Variants in NDUFAF2 observed in about 807,000 individuals in gnomAD.
NDUFAF2 encodes NADH dehydrogenase [ubiquinone] 1 alpha subcomplex assembly factor 2.
In NDUFAF2, 13 loss-of-function variants were observed where a neutral mutation model predicts 22.8. The observed-to-expected ratio is 0.57, with a 90% CI of 0.37 to 0.91. The LOEUF is 0.91. Among genes scored for constraint, NDUFAF2 ranks in the 40% least tolerant of loss-of-function variants. The pLI is 0.01. For synonymous variants in NDUFAF2, 53 were observed against 64.2 expected, an observed-to-expected ratio of 0.83 and a Z score of 0.84; for missense variants, 162 against 195.2, an observed-to-expected ratio of 0.83 and a Z score of 1.01.
At chr5:60,998,440 T>C (rs1451138386) in intron 1 of NDUFAF2, among the ~76,000 whole-genome samples, 1 of 152,162 alleles carries the variant, frequency 6.6e-6, no homozygotes, top group Non-Finnish European at 1.5e-5. Flanking sequence ...CCTTTTATAA[T>C]GTATTTTAAA....
intron 3 of NDUFAF2, among the ~76,000 whole-genome samples, chr5:61,108,877 T>C (rs903876080): frequency 2.6e-5 from 4 of 152,194 alleles, no homozygotes; most frequent in African/African-American, 9.7e-5. Flanking sequence ...ATAGTGTAAT[T>C]TATGCCAGGT....
intron 3 of NDUFAF2, among the ~76,000 whole-genome samples, chr5:61,126,641 C>A (rs1472920804): frequency 6.6e-6 from 1 of 151,968 alleles, no homozygotes; most frequent in African/African-American, 2.4e-5. Flanking sequence ...TATTTTCACA[C>A]CAGAATAATA....
intron 3 of NDUFAF2, among the ~76,000 whole-genome samples, chr5:61,103,144 C>G (rs1752722504): frequency 6.6e-6 from 1 of 152,128 alleles, no homozygotes; most frequent in South Asian, 2.1e-4. Flanking sequence ...TCTGGGAGCT[C>G]TGGCCAACAG....
chr5:61,023,416 A>G (rs1321165422), intron 1 of NDUFAF2, among the ~76,000 whole-genome samples: 2 of 152,036 alleles, frequency 1.3e-5, no homozygotes, highest in Non-Finnish European at 2.9e-5. Context: ...TAATTTGCCT[A>G]TTTATTACAT....
intron 3 of NDUFAF2, chr5:61,116,257 A>T (rs1424532751): frequency 1.3e-5 from 2 of 152,166 alleles, no homozygotes; most frequent in East Asian, 1.9e-4. Flanking sequence ...GGAACACTAG[A>T]CATCTGAGAA....
intron 1 of NDUFAF2, among the ~76,000 whole-genome samples, chr5:60,972,773 G>GTTTTTTTTTTTTTTTTGTTTTCTTT (rs35076688): frequency 2.9e-5 from 3 of 103,916 alleles, no homozygotes; most frequent in East Asian, 2.8e-4. Context: ...TGTGTATTCT[G>GTTTTTTTTTTTTTTTTGTTTTCTTT]TTTTTTTTTT....
intron 1 of NDUFAF2, among the ~76,000 whole-genome samples, chr5:60,953,356 A>G (rs1297732241): frequency 6.6e-6 from 1 of 152,152 alleles, no homozygotes; most frequent in East Asian, 1.9e-4. Flanking sequence ...GCCAACCTAT[A>G]ATTTTGTACA....
intron 3 of NDUFAF2, among the ~76,000 whole-genome samples, chr5:61,131,148 G>T (rs1753106717): frequency 6.6e-6 from 1 of 151,564 alleles, no homozygotes; most frequent in South Asian, 2.1e-4. Context: ...GGGGAAACAG[G>T]TATTCTCATT....
At chr5:61,017,138 G>A (rs973356079) in intron 1 of NDUFAF2, among the ~76,000 whole-genome samples, 1 of 152,082 alleles carries the variant, frequency 6.6e-6, no homozygotes, top group Non-Finnish European at 1.5e-5. Context: ...AGAGGTAGGC[G>A]TCAAACAGCT....
At chr5:60,949,500 G>C (rs1324929037) in intron 1 of NDUFAF2, among the ~76,000 whole-genome samples, 3 of 152,180 alleles carry the variant, frequency 2.0e-5, no homozygotes, top group African/African-American at 7.2e-5. Flanking sequence ...ACAGCTGCAA[G>C]AAACATTCAC....
At position 61,152,590 on chromosome 5, in the gene NDUFAF2, T is replaced by C. The variant is rs924181681; in HGVS notation, c.259-114T>C. On this transcript the variant is annotated intron_variant, in intron 3 of 3. Coordinates refer to ENST00000296597, the MANE Select transcript of NDUFAF2 (RefSeq NM_174889.5). ...ATCTGTATATTATTTAAATGCAAAG[T>C]ATGTATGTATATATTTATATGTATA... 5 of 696,832 alleles carry C rather than the reference T, an allele frequency of 7.2e-6. No individual in the cohort carries two copies. The African/African-American group carries it at 7.3e-5, about 10-fold the overall frequency. The allele number at this position is 696,832 out of a possible 1,614,324, so 43.2% of individuals were successfully genotyped here.
intron 1 of NDUFAF2, among the ~76,000 whole-genome samples, chr5:60,989,841 C>T (rs1041184152): frequency 6.6e-6 from 1 of 152,030 alleles, no homozygotes. Flanking sequence ...TACACCAAAC[C>T]CCCATGAGCT....
At chr5:60,949,053 T>C (rs1750505928) in intron 1 of NDUFAF2, among the ~76,000 whole-genome samples, 1 of 152,182 alleles carries the variant, frequency 6.6e-6, no homozygotes, top group Non-Finnish European at 1.5e-5. Flanking sequence ...TTTTTTTAGA[T>C]TCTATTTTTA....
chr5:60,980,676 G>A (rs890533566), intron 1 of NDUFAF2, among the ~76,000 whole-genome samples: 2 of 152,138 alleles, frequency 1.3e-5, no homozygotes, highest in African/African-American at 4.8e-5. Flanking sequence ...AGAAGGCTGA[G>A]GTGGGTGGAT....
chr5:60,994,826 A>C (rs1470771013), intron 1 of NDUFAF2, among the ~76,000 whole-genome samples: 2 of 151,806 alleles, frequency 1.3e-5, no homozygotes, highest in Non-Finnish European at 2.9e-5. Flanking sequence ...GTAACTCTTA[A>C]ATTTGCCCTT....
In NDUFAF2 at chr5:61,029,744, A is replaced by G. The variant is rs1312434028; in HGVS notation, c.128-43381A>G. 2.0e-5 allele frequency among the ~76,000 whole-genome samples: 3 copies of G among 152,310 alleles called. No individual in the cohort carries two copies. The East Asian group carries it at 5.8e-4, about 29-fold the overall frequency. On this transcript the variant is annotated intron_variant, in intron 1 of 3. Transcript: ENST00000296597. ...GCCAAGCTGTTTGTAACAACCAGAT[A>G]AAAGTATATTCCTATTTTCAGATTT...
chr5:61,048,660 A>G (rs1255533357), intron 1 of NDUFAF2, among the ~76,000 whole-genome samples: 4 of 152,164 alleles, frequency 2.6e-5, no homozygotes, highest in Admixed American at 6.6e-5. Context: ...TCCCAGTCTC[A>G]GCAAAGTTGA....
intron 1 of NDUFAF2, among the ~76,000 whole-genome samples, chr5:60,997,736 C>T (rs1038999681): frequency 1.3e-5 from 2 of 152,140 alleles, no homozygotes; most frequent in African/African-American, 2.4e-5. Flanking sequence ...TCTGCTTTTC[C>T]GTTCTTCACT....
At chr5:61,086,294 G>A (rs1752504725) in intron 2 of NDUFAF2, among the ~76,000 whole-genome samples, 1 of 152,050 alleles carries the variant, frequency 6.6e-6, no homozygotes. Flanking sequence ...AATACTAACA[G>A]CCTTTTTGGA....
Sources: allele counts gnomAD v4.1 joint callset (sites outside exome capture counted in the v4.1 genomes callset), GRCh38; gene constraint gnomAD v4.1.1; transcripts MANE v1.5; gene names NCBI Gene and HGNC (gene_info 2026-07-23, HGNC 2026-07-21).